Variants in ZBED6 observed in about 807,000 individuals in gnomAD.
The protein encoded by ZBED6 is zinc finger BED-type containing 6, also known as zinc finger BED domain-containing protein 6.
In ZBED6, 40 loss-of-function variants were observed where a neutral mutation model predicts 58.4. The observed-to-expected ratio is 0.68, with a 90% confidence interval of 0.53 to 0.89. ZBED6 has a LOEUF of 0.89. ZBED6 is among the 40% of genes least tolerant of loss of function. The pLI is 0.00. For synonymous variants in ZBED6, 439 were observed against 350.6 expected (o/e 1.25, Z -2.82); for missense variants, 1,057 against 1,003.9 (o/e 1.05, Z -0.71).
chr1:203,807,184 T>C (rs1672683432), intron 1 of ZBED6, among the ~76,000 whole-genome samples: 1 of 152,222 alleles, frequency 6.6e-6, no homozygotes, highest in Admixed American at 6.5e-5. Flanking sequence ...CATGTTACTA[T>C]TTTAATATAC....
rs958559785 is a variant in ZBED6 at position 203,800,439 on chromosome 1, A to G, written c.2917A>G (p.Ser973Gly). Reference sequence around the variant, plus strand: ...TGAGCAGAATGAAGTTGTTCAAAGCAGTGAAAAAGAAATACTGCCTTAATT... The same window carrying G: ...TGAGCAGAATGAAGTTGTTCAAAGCGGTGAAAAAGAAATACTGCCTTAATT... The change falls in exon 1 of 17, where the codon AGT (serine) becomes GGT (glycine). Residue 973 changes from serine (S) to glycine (G), a missense_variant. Ser to Gly is a moderately conservative substitution (Grantham distance 56, BLOSUM62 0). Transcript: ENST00000550078. 9 of 1,463,792 alleles carry G rather than the reference A, an allele frequency of 6.1e-6. No homozygotes were observed. The Admixed American group carries it at 1.6e-4, about 26-fold the overall frequency. 90.7% of individuals were successfully genotyped at this position (1,463,792 alleles called of 1,614,324 possible).
chr1:203,818,479 G>T, intron 2 of ZBED6, 91 bp from the exon 3 acceptor site: 1 of 1,551,222 alleles, frequency 6.4e-7, no homozygotes, highest in Non-Finnish European at 8.8e-7. Context: ...ACTCATTTGT[G>T]CTTGTCTAAA....
chr1:203,797,921 C>G (rs1198384538), exon 1 of ZBED6: 1 of 1,535,768 alleles, frequency 6.5e-7, no homozygotes, highest in African/African-American at 1.4e-5. Flanking sequence ...CCAAGACCTC[C>G]ATTGTGTGGC....
At chr1:203,820,468 A>ATGTGTGTGTGTGTG (rs71145033) in intron 3 of ZBED6, among the ~76,000 whole-genome samples, 2 of 150,384 alleles carry the variant, frequency 1.3e-5, no homozygotes, top group African/African-American at 4.9e-5. Context: ...ATCACAAATT[A>ATGTGTGTGTGTGTG]TGTGTGTGTG....
intron 1 of ZBED6, among the ~76,000 whole-genome samples, chr1:203,808,651 G>A (rs969268644): frequency 6.6e-6 from 1 of 151,960 alleles, no homozygotes; most frequent in African/African-American, 2.4e-5. Context: ...GTTTGGATTC[G>A]TGGAGATGTC....
intron 1 of ZBED6, among the ~76,000 whole-genome samples, chr1:203,815,301 G>C (rs1675985914): frequency 7.8e-6 from 1 of 128,548 alleles, no homozygotes; most frequent in Middle Eastern, 5.1e-3. Context: ...TGCAACCTCT[G>C]CCTCCTGGGT....
chr1:203,828,569 T>C (rs1189771014), intron 4 of ZBED6, 147 bp downstream of exon 4: 8 of 1,072,672 alleles, frequency 7.5e-6, no homozygotes, highest in East Asian at 5.2e-5. Flanking sequence ...CTGAATCTTA[T>C]TAAGGTTAAA....
At chr1:203,817,194 AC>A in intron 2 of ZBED6, 70 bp downstream of exon 2, 2 of 1,334,238 alleles carry the variant, frequency 1.5e-6, no homozygotes, top group Non-Finnish European at 2.1e-6. Flanking sequence ...GATTTTCCCA[AC>A]ATTTTAAGTT....
At chr1:203,833,618 G>GTTTTTTTTTT (rs553171669) in intron 8 of ZBED6, among the ~76,000 whole-genome samples, 173 bp from the exon 9 acceptor site, 83 of 124,804 alleles carry the variant, frequency 6.7e-4, no homozygotes, top group African/African-American at 8.5e-4. Context: ...ATAGGTTTGG[G>GTTTTTTTTTT]TTTTTTTTTT....
At chr1:203,801,938 G>A (rs931000540) in exon 1 of ZBED6, 9 of 152,384 alleles carry the variant, frequency 5.9e-5, no homozygotes, top group African/African-American at 1.9e-4. Context: ...TTTAGCTGTA[G>A]CCATTAGTAG....
chr1:203,807,786 G>T (rs1332720095), intron 1 of ZBED6, among the ~76,000 whole-genome samples: 4 of 151,898 alleles, frequency 2.6e-5, no homozygotes, highest in African/African-American at 9.7e-5. Flanking sequence ...CTGTTGCGCA[G>T]ACCAGAGTGC....
intron 16 of ZBED6, 96 bp downstream of exon 16, chr1:203,851,220 C>A: frequency 9.1e-7 from 1 of 1,102,610 alleles, no homozygotes; most frequent in Non-Finnish European, 1.3e-6. Context: ...TAGCAACATT[C>A]AAATAAATCT....
At chr1:203,800,446 A>T in exon 1 of ZBED6, 3 of 1,490,300 alleles carry the variant, frequency 2.0e-6, no homozygotes, top group Non-Finnish European at 2.7e-6. Flanking sequence ...AGCAGTGAAA[A>T]AGAAATACTG....
chr1:203,795,743 C>T (rs1668175483), exon 1 of ZBED6: 1 of 152,180 alleles, frequency 6.6e-6, no homozygotes, highest in African/African-American at 2.4e-5. Flanking sequence ...GACGTGGCAG[C>T]AAGCGGGAGT....
intron 1 of ZBED6, among the ~76,000 whole-genome samples, chr1:203,815,216 CT>C (rs59254922): frequency 1.0e-5 from 1 of 97,154 alleles, no homozygotes; most frequent in Non-Finnish European, 1.9e-5. Context: ...CTTTTCTTTT[CT>C]TTTTTTTTTT....
chr1:203,830,925 ATTTTTTTTTTTTTTTTTT>A (rs774771270), intron 7 of ZBED6, among the ~76,000 whole-genome samples: 66 of 51,390 alleles, frequency 1.3e-3, no homozygotes, highest in African/African-American at 2.3e-3. Context: ...CCAACCCCCA[ATTTTTTTTTTTTTTTTTT>A]TTTTTTTTTT....
chr1:203,798,532 C>T (rs1669425358), exon 1 of ZBED6: 16 of 1,536,110 alleles, frequency 1.0e-5, no homozygotes, highest in Non-Finnish European at 1.4e-5. Context: ...GAAGCTGAGA[C>T]TGAGAGAAGT....
intron 11 of ZBED6, among the ~76,000 whole-genome samples, chr1:203,843,598 T>C (rs1259837920): frequency 6.6e-6 from 1 of 152,220 alleles, no homozygotes; most frequent in African/African-American, 2.4e-5. Flanking sequence ...CATTGTAGAA[T>C]GAAAGCAGCC....
chr1:203,798,247 C>T lies in ZBED6; in HGVS notation c.725C>T (p.Ala242Val), dbSNP rs763715441. ...AAATCAGCATCTGATGCCCTAAGGGCAGAAAGAGGGAGATTTCTCATCAAA... is the reference window on the plus strand; with the variant it reads ...AAATCAGCATCTGATGCCCTAAGGGTAGAAAGAGGGAGATTTCTCATCAAA... Residue 242 changes from alanine (A) to valine (V), a missense_variant, in exon 1 of 17, where the codon GCA becomes GTA. Ala to Val is a moderately conservative substitution (Grantham distance 64). Transcript: ENST00000550078. 157 of 1,536,072 alleles carry T rather than the reference C, an allele frequency of 1.0e-4. No homozygotes were observed. In the Middle Eastern group the frequency reaches 1.7e-3, roughly 16 times the overall value.
Sources: gnomAD v4.1 joint callset for allele counts (sites outside exome capture counted in the v4.1 genomes callset) on GRCh38, gnomAD v4.1.1 for gene constraint, MANE v1.5 for transcripts, NCBI Gene and HGNC (gene_info 2026-07-23, HGNC 2026-07-21) for gene names.